Variants in SLC4A3 observed in about 807,000 individuals in gnomAD.
SLC4A3 encodes solute carrier family 4 member 3, also known as anion exchange protein 3.
In SLC4A3, 47 loss-of-function variants were observed where a neutral mutation model predicts 114.2. That is an observed-to-expected ratio of 0.41 (90% confidence interval 0.33 to 0.52). SLC4A3 has a LOEUF of 0.52. SLC4A3 is among the 20% of genes least tolerant of loss of function. The pLI is 0.21. For missense variants in SLC4A3, 1,312 were observed against 1,668.3 expected, an observed-to-expected ratio of 0.79 and a Z score of 3.72; for synonymous variants, 693 against 710.3, an observed-to-expected ratio of 0.98 and a Z score of 0.39.
rs1574646166 is a variant in SLC4A3 at position 219,630,688 on chromosome 2, C to G, written c.811+336C>G. On this transcript the variant is annotated intron_variant, in intron 6 of 22. Coordinates refer to ENST00000358055, the MANE Select transcript of SLC4A3 (RefSeq NM_005070.4). The surrounding 1 kb of genome is among the most constrained non-coding windows in gnomAD (Gnocchi z 6.9). ...GTGAACTCTCTGTCTCCTCTTTGATCCCCTCCAAACCAGGCCCTGAGTCTG... is the reference window on the plus strand; with the variant it reads ...GTGAACTCTCTGTCTCCTCTTTGATGCCCTCCAAACCAGGCCCTGAGTCTG... Among the ~76,000 whole-genome samples, 1 of 152,174 alleles carries G rather than the reference C, an allele frequency of 6.6e-6. No homozygotes were observed. The highest frequency in any genetic ancestry group is 1.5e-5 in the Non-Finnish European group (1 of 68,036).
rs562715206 is a variant in SLC4A3 at position 219,629,246 on chromosome 2, G to A, written c.320G>A (p.Arg107Lys). Residue 107 changes from arginine to lysine, a missense_variant, in exon 4 of 23, where the codon AGG (arginine) becomes AAG (lysine). Arg to Lys is a conservative substitution (Grantham distance 26). Transcript: ENST00000358055. ...RLPPTSARHTRRKRKKEKTSA... is the reference protein window; with the variant it reads ...RLPPTSARHTKRKRKKEKTSA... ...CCCCCCACCTCTGCCCGGCACACCA[G>A]GAGAAAGAGGAAGAAGGAGAAAACC... The A allele has an allele frequency of 8.1e-6, 13 of 1,613,824 alleles. No individual in the cohort carries two copies. The South Asian group carries it at 1.2e-4, about 15-fold the overall frequency.
In SLC4A3 at chr2:219,631,057, A is replaced by G; in HGVS notation, c.811+705A>G. On this transcript the variant is annotated intron_variant, in intron 6 of 22. Coordinates refer to ENST00000358055, the MANE Select transcript of SLC4A3 (RefSeq NM_005070.4). The surrounding 1 kb of genome is among the most constrained non-coding windows in gnomAD (Gnocchi z 6.3). ...GGGGGGTGGGGGAGGGCGTGTTTAC[A>G]GACCCAGGGTGGGGGCTGGATGCCG... 1.0e-6 allele frequency: 1 copy of G among 955,314 alleles called. No individual in the cohort carries two copies. The highest frequency in any genetic ancestry group is 1.3e-6 in the Non-Finnish European group (1 of 775,288). 59.2% of individuals were successfully genotyped at this position (955,314 alleles called of 1,614,324 possible).
chr2:219,640,082 C>T (rs555704215), intron 20 of SLC4A3, among the ~76,000 whole-genome samples: 9 of 152,342 alleles, frequency 5.9e-5, no homozygotes, highest in South Asian at 2.1e-4. Flanking sequence ...GCGCCCGCCA[C>T]CACGCCCAGC....
At chr2:219,634,699 C>G in intron 12 of SLC4A3, 95 bp downstream of exon 12, 1 of 1,327,560 alleles carries the variant, frequency 7.5e-7, no homozygotes, top group South Asian at 1.4e-5. Flanking sequence ...GGCAAGGGTG[C>G]TAGAGGCCCC....
rs753617493 is a variant in SLC4A3, at chr2:219,631,349, C to A, written c.812-619C>A. 931 of 1,304,148 alleles carry A rather than the reference C, an allele frequency of 7.1e-4. No homozygotes were observed. The highest frequency in any genetic ancestry group is 9.1e-4 in the Non-Finnish European group (897 of 988,942). The allele number at this position is 1,304,148 out of a possible 1,614,324, so 80.8% of individuals were successfully genotyped here. The stretch of plus-strand genomic sequence containing the variant: ...GGGATCCAGCCCCCAGTCCTCGAGA[C>A]TCACTGGCCCCGGAAGACTTAGAGA... On this transcript the variant is annotated intron_variant, in intron 6 of 22. Transcript: ENST00000358055. This position sits in a 1 kb window ranked among gnomAD's most constrained non-coding sequence, Gnocchi z 6.3.
rs1449424342 is a variant in SLC4A3, at chr2:219,629,714, A to G, written c.611+19A>G. 1.9e-6 allele frequency: 3 copies of G among 1,551,070 alleles called. No individual in the cohort carries two copies. The highest frequency in any genetic ancestry group is 2.7e-6 in the Non-Finnish European group (3 of 1,129,632). ...CCAGCAGGTACTGGCTGCAGCCTCT[A>G]CTCAGCAGGGCCCAGCCCAGAGCCA... On this transcript the variant is annotated intron_variant, in intron 5 of 22. Coordinates refer to ENST00000358055, the MANE Select transcript of SLC4A3 (RefSeq NM_005070.4).
In SLC4A3 at chr2:219,632,490, G is replaced by C. The variant is rs1164555200; in HGVS notation, c.1141+48G>C. On this transcript the variant is annotated intron_variant, in intron 8 of 22. Transcript: ENST00000358055. ...CGAGGCTGCAAGCCCTCTTCAGTCTGTGCCAGGCTGCTCAGTTCCCAGGAA... is the reference window on the plus strand; with the variant it reads ...CGAGGCTGCAAGCCCTCTTCAGTCTCTGCCAGGCTGCTCAGTTCCCAGGAA... 3 of 1,523,380 alleles carry C rather than the reference G, an allele frequency of 2.0e-6. No individual in the cohort carries two copies. The South Asian group carries it at 3.9e-5, about 20-fold the overall frequency. 94.4% of individuals were successfully genotyped at this position (1,523,380 alleles called of 1,614,324 possible).
chr2:219,635,415 G>C lies in SLC4A3; in HGVS notation c.1891G>C (p.Glu631Gln). The C allele has an allele frequency of 6.2e-7, 1 of 1,614,178 alleles. No homozygotes were observed. The highest frequency in any genetic ancestry group is 8.5e-7 in the Non-Finnish European group (1 of 1,180,030). The stretch of plus-strand genomic sequence containing the variant: ...GCGCTCCGTGGCTGCTTTCCAGCGA[G>C]AGCTGCTTAGGAAGCGGCGAGAGCG... ...LLRSVAAFQRELLRKRREREQ... is the reference protein window; with the variant it reads ...LLRSVAAFQRQLLRKRREREQ... The change falls in exon 13 of 23, where the codon GAG (glutamate) becomes CAG (glutamine). Residue 631 changes from glutamate to glutamine, a missense_variant. This residue lies in a region of SLC4A3 where 771 missense variants were observed against 977.7 expected (regional missense o/e 0.79). Transcript: ENST00000358055.
In SLC4A3 at chr2:219,629,360, AAGG is replaced by A. The variant is rs1254417500; in HGVS notation, c.437_439del (p.Gly146del). 1 of 1,605,862 alleles carries A rather than the reference AAGG, an allele frequency of 6.2e-7. No homozygotes were observed. Among genetic ancestry groups the A allele is most frequent in the East Asian group, 2.2e-5 (1 of 44,778 alleles). ...GAAGAGGAGGAAGAGGAGGAAGAGG[AAGG>A]AGAATCTGAGGCAGAACCTGTGGAG... On this transcript the variant is annotated inframe_deletion, in exon 4 of 23. Coordinates refer to ENST00000358055, the MANE Select transcript of SLC4A3 (RefSeq NM_005070.4).
chr2:219,641,877 CT>C lies in SLC4A3; in HGVS notation c.*150del, dbSNP rs753908223. ...TGATGCCATGGCTAGAGTGGCCCCC[CT>C]GACTTCTGCCCGGGGTGTTGACCTC... is the stretch of plus-strand genomic sequence containing the variant. On this transcript the variant is annotated 3_prime_UTR_variant, in exon 23 of 23. Coordinates refer to ENST00000358055, the MANE Select transcript of SLC4A3 (RefSeq NM_005070.4). The surrounding 1 kb of genome is among the most constrained non-coding windows in gnomAD (Gnocchi z 4.0). 193 of 635,394 alleles carry C rather than the reference CT, an allele frequency of 3.0e-4. No individual in the cohort carries two copies. The highest frequency in any genetic ancestry group is 4.7e-4 in the Non-Finnish European group (170 of 358,096). 39.4% of individuals were successfully genotyped at this position (635,394 alleles called of 1,614,324 possible).
chr2:219,637,335 A>C lies in SLC4A3; in HGVS notation c.2536-246A>C, dbSNP rs1241330696. Among the ~76,000 whole-genome samples the C allele has an allele frequency of 6.7e-6, 1 of 148,348 alleles. No individual in the cohort carries two copies. Among genetic ancestry groups the C allele is most frequent in the Non-Finnish European group, 1.5e-5 (1 of 67,180 alleles). ...TATGTATGTTGTGTGTGTGGTGTGTATGTGGTATGTTGTGTTTTTTTTGTG... is the reference window on the plus strand; with the variant it reads ...TATGTATGTTGTGTGTGTGGTGTGTCTGTGGTATGTTGTGTTTTTTTTGTG... On this transcript the variant is annotated intron_variant, in intron 16 of 22. Transcript: ENST00000358055. This position sits in a 1 kb window ranked among gnomAD's most constrained non-coding sequence, Gnocchi z 4.6.
intron 9 of SLC4A3, 60 bp downstream of exon 9, chr2:219,633,069 TC>T: frequency 6.3e-7 from 1 of 1,590,532 alleles, no homozygotes; most frequent in South Asian, 1.1e-5. Context: ...CAGGAGCACA[TC>T]CTCTTCCAAG....
At chr2:219,629,491 G>C in intron 4 of SLC4A3, 70 bp downstream of exon 4, 1 of 1,593,918 alleles carries the variant, frequency 6.3e-7, no homozygotes, top group Non-Finnish European at 8.6e-7. Context: ...GGAGAGGAGT[G>C]CGTGTTGGGG....
Position 219,636,366 on chromosome 2 carries a change from C to G in SLC4A3, c.2256C>G (p.Val752=), listed in dbSNP as rs368507348. 13 of 1,613,776 alleles carry G rather than the reference C, an allele frequency of 8.1e-6. No homozygotes were observed. Among genetic ancestry groups the G allele is most frequent in the Non-Finnish European group, 8.5e-6 (10 of 1,179,900 alleles). The change falls in exon 15 of 23, where the codon GTC becomes GTG. Residue 752 remains valine, a synonymous_variant. Transcript: ENST00000358055. The surrounding 1 kb of genome is among the most constrained non-coding windows in gnomAD (Gnocchi z 5.5). ...ELIVSTAVLG[V]LFSLLGAQPL... is the part of the protein sequence containing the mutation. ...TCGTGTCCACCGCTGTGCTCGGCGT[C>G]CTCTTCTCTCTGCTGGGAGCTCAGC...
In SLC4A3 at chr2:219,629,056, G is replaced by A. The variant is rs555557173; in HGVS notation, c.218-88G>A. 127 of 1,448,204 alleles carry A rather than the reference G, an allele frequency of 8.8e-5. No homozygotes were observed. The African/African-American group carries it at 1.5e-3, about 17-fold the overall frequency. 89.7% of individuals were successfully genotyped at this position (1,448,204 alleles called of 1,614,324 possible). A position where few individuals can be genotyped will look rare whatever the true frequency, so the allele number is the denominator to read the frequency against. ...GAAGGACTAGGGTGCCCTTGTTTGC[G>A]GCCTTGAGCTGGAAGGTGTGTGCCC... On this transcript the variant is annotated intron_variant, in intron 3 of 22. Transcript: ENST00000358055.
rs202188246 is a variant in SLC4A3, at chr2:219,629,736, G to A, written c.611+41G>A. 8.5e-6 allele frequency: 12 copies of A among 1,412,818 alleles called. No individual in the cohort carries two copies. The East Asian group carries it at 2.9e-4, about 34-fold the overall frequency. 87.5% of individuals were successfully genotyped at this position (1,412,818 alleles called of 1,614,324 possible). On this transcript the variant is annotated intron_variant, in intron 5 of 22. Coordinates refer to ENST00000358055, the MANE Select transcript of SLC4A3 (RefSeq NM_005070.4). ...TCTACTCAGCAGGGCCCAGCCCAGA[G>A]CCACAGGGTCCAGAGCTCCTGGCAG...
rs1008721459 is a variant in SLC4A3 at position 219,631,197 on chromosome 2, G to T, written c.812-771G>T. The T allele has an allele frequency of 4.1e-6, 5 of 1,216,454 alleles. No individual in the cohort carries two copies. Among genetic ancestry groups the T allele is most frequent in the Non-Finnish European group, 5.3e-6 (5 of 944,250 alleles). 75.4% of individuals were successfully genotyped at this position (1,216,454 alleles called of 1,614,324 possible). ...TCCCACCTTGTAGGAGAGCCGAGGG[G>T]TCTGGTAGGGAGCGGAGGCCGAGGT... On this transcript the variant is annotated intron_variant, in intron 6 of 22. Coordinates refer to ENST00000358055, the MANE Select transcript of SLC4A3 (RefSeq NM_005070.4). The surrounding 1 kb of genome is among the most constrained non-coding windows in gnomAD (Gnocchi z 6.3).
Position 219,636,158 on chromosome 2 carries a change from G to C in SLC4A3, c.2192-144G>C. ...GGGGGCTAGTGGGGAGGGTTTGGGA[G>C]CAATGGGGTATGGAAGGGGCCCTGT... On this transcript the variant is annotated intron_variant, in intron 14 of 22. Transcript: ENST00000358055. The surrounding 1 kb of genome is among the most constrained non-coding windows in gnomAD (Gnocchi z 5.5). 1 of 944,340 alleles carries C rather than the reference G, an allele frequency of 1.1e-6. No individual in the cohort carries two copies. The highest frequency in any genetic ancestry group is 1.6e-6 in the Non-Finnish European group (1 of 614,990). The allele number at this position is 944,340 out of a possible 1,614,324, so 58.5% of individuals were successfully genotyped here. A position where few individuals can be genotyped will look rare whatever the true frequency, so the allele number is the denominator to read the frequency against.
chr2:219,634,742 G>T, intron 12 of SLC4A3, 138 bp downstream of exon 12: 1 of 900,330 alleles, frequency 1.1e-6, no homozygotes, highest in South Asian at 1.8e-5. Context: ...GGGTGGTGGG[G>T]GGAGCTGTTG....
Sources: gnomAD v4.1 joint callset for allele counts (sites outside exome capture counted in the v4.1 genomes callset) on GRCh38, gnomAD v4.1.1 for gene constraint, gnomAD v4.1.1 regional missense constraint, Gnocchi (gnomAD v3.1) non-coding constraint, MANE v1.5 for transcripts, NCBI Gene and HGNC (gene_info 2026-07-23, HGNC 2026-07-21) for gene names.